Variants in OGN observed in about 807,000 individuals in gnomAD.
OGN encodes the protein osteoglycin, also known as mimecan.
In OGN, 19 loss-of-function variants were observed where a neutral mutation model predicts 30.8. That is an observed-to-expected ratio of 0.62 (90% confidence interval 0.43 to 0.90). The LOEUF (loss-of-function observed/expected upper bound fraction) is 0.90, where lower values mean the gene tolerates loss of function less well. Among genes scored for constraint, OGN ranks in the 40% least tolerant of loss-of-function variants. The probability of loss-of-function intolerance (pLI) is 0.00; values close to 1 mark genes in which losing one functional copy is unlikely to be tolerated. For synonymous variants in OGN, 126 were observed against 128.3 expected (o/e 0.98, Z 0.12); for missense variants, 283 against 349.7 (o/e 0.81, Z 1.52).
intron 3 of OGN, 107 bp from the exon 4 acceptor site, chr9:92,393,351 TG>T (rs1842766044): frequency 4.8e-6 from 4 of 824,860 alleles, no homozygotes; most frequent in Non-Finnish European, 7.3e-6. Flanking sequence ...TTTGAAGAGA[TG>T]TTTTACAGAA....
At chr9:92,392,327 T>TA (rs1213819152) in intron 4 of OGN, among the ~76,000 whole-genome samples, 1 of 152,100 alleles carries the variant, frequency 6.6e-6, no homozygotes. Flanking sequence ...TATCAGTATT[T>TA]AAAAAATACT....
At chr9:92,388,831 CAAAAA>C (rs533649013) in intron 5 of OGN, among the ~76,000 whole-genome samples, 1 of 83,590 alleles carries the variant, frequency 1.2e-5, no homozygotes, top group Non-Finnish European at 2.5e-5. Context: ...GACTCCATCT[CAAAAA>C]AAAAAAAAAA....
At chr9:92,386,387 CTA>C (rs1842422660) in intron 5 of OGN, 91 bp from the exon 6 acceptor site, 1 of 762,154 alleles carries the variant, frequency 1.3e-6, no homozygotes, top group African/African-American at 1.7e-5. Flanking sequence ...GAGTATATGT[CTA>C]TATATACAGA....
At chr9:92,390,988 G>C in intron 4 of OGN, among the ~76,000 whole-genome samples, 1 of 152,172 alleles carries the variant, frequency 6.6e-6, no homozygotes, top group Non-Finnish European at 1.5e-5. Context: ...AATCAGGCCA[G>C]GTGTGGTGGC....
chr9:92,400,396 G>A (rs529806905), intron 3 of OGN, among the ~76,000 whole-genome samples: 8 of 152,108 alleles, frequency 5.3e-5, no homozygotes, highest in African/African-American at 9.7e-5. Flanking sequence ...TGATCCACCC[G>A]CCTCAGCCTC....
chr9:92,401,824 G>A (rs911609161), intron 2 of OGN, among the ~76,000 whole-genome samples: 3 of 152,134 alleles, frequency 2.0e-5, no homozygotes, highest in African/African-American at 7.2e-5. Flanking sequence ...TTCTTGGAGA[G>A]TACGTTTTCT....
chr9:92,403,755 CT>C, intron 1 of OGN: 1 of 634,550 alleles, frequency 1.6e-6, no homozygotes, highest in Non-Finnish European at 2.0e-6. Flanking sequence ...TTGAAATATT[CT>C]TAGGATACCT....
At chr9:92,386,679 T>C (rs1196689119) in intron 5 of OGN, among the ~76,000 whole-genome samples, 1 of 152,188 alleles carries the variant, frequency 6.6e-6, no homozygotes, top group Non-Finnish European at 1.5e-5. Flanking sequence ...TAACCTCTCC[T>C]GTACCTCTGG....
At chr9:92,392,476 G>T (rs182031660) in intron 4 of OGN, among the ~76,000 whole-genome samples, 1 of 152,082 alleles carries the variant, frequency 6.6e-6, no homozygotes, top group Admixed American at 6.6e-5. Context: ...ACAAATATTA[G>T]CCAGGTGTGG....
Position 92,390,932 on chromosome 9 carries a change from T to C in OGN, c.428-876A>G, listed in dbSNP as rs1842651398. Among the ~76,000 whole-genome samples, 4 of 152,294 alleles carry C rather than the reference T, an allele frequency of 2.6e-5. No individual in the cohort carries two copies. In the South Asian group the frequency reaches 8.3e-4, roughly 32 times the overall value. On this transcript the variant is annotated intron_variant, in intron 4 of 6. Transcript: ENST00000375561. ...CACAGCCTTTTTGTGCTTGGGGATG[T>C]TAGACGTCACTTCAGCACCATGTGT...
rs1466627795 is a variant in OGN, at chr9:92,384,001, TTATA to T, written c.*1615_*1618del. 6.6e-6 allele frequency: 1 copy of T among 152,204 alleles called. No individual in the cohort carries two copies. Among genetic ancestry groups the T allele is most frequent in the African/African-American group, 2.4e-5 (1 of 41,458 alleles). The allele number at this position is 152,204 out of a possible 1,614,324, so 9.4% of individuals were successfully genotyped here. A position where few individuals can be genotyped will look rare whatever the true frequency, so the allele number is the denominator to read the frequency against. The stretch of plus-strand genomic sequence containing the variant: ...GATGGATTTTATTTTGCAATATTTA[TTATA>T]TATTCAATTCAAATGTACTCACTAT... On this transcript the variant is annotated 3_prime_UTR_variant, in exon 7 of 7. Transcript: ENST00000375561.
At chr9:92,401,541 C>T (rs980705178) in intron 2 of OGN, among the ~76,000 whole-genome samples, 1 of 152,126 alleles carries the variant, frequency 6.6e-6, no homozygotes, top group African/African-American at 2.4e-5. Flanking sequence ...GAAACTGTTC[C>T]TCAGGGGTCT....
rs1318242723 is a variant in OGN, at chr9:92,404,534, A to G, written c.-114T>C. The G allele has an allele frequency of 1.5e-6, 2 of 1,298,700 alleles. No individual in the cohort carries two copies. The highest frequency in any genetic ancestry group is 2.4e-5 in the Admixed American group (1 of 41,366). The allele number at this position is 1,298,700 out of a possible 1,614,324, so 80.4% of individuals were successfully genotyped here. A position where few individuals can be genotyped will look rare whatever the true frequency, so the allele number is the denominator to read the frequency against. ...TTGAAGTTTTTTGTGGTTTTCCTCA[A>G]TAGATGTTCATGTCTGTGCATTAGC... is the stretch of plus-strand genomic sequence containing the variant. On this transcript the variant is annotated 5_prime_UTR_variant, in exon 1 of 7. Transcript: ENST00000375561.
At chr9:92,400,300 C>T (rs1843058219) in intron 3 of OGN, among the ~76,000 whole-genome samples, 1 of 152,144 alleles carries the variant, frequency 6.6e-6, no homozygotes, top group South Asian at 2.1e-4. Flanking sequence ...CAGGCACCTG[C>T]CACCACGCCT....
intron 2 of OGN, among the ~76,000 whole-genome samples, chr9:92,401,785 T>A (rs900833067): frequency 6.6e-6 from 1 of 152,048 alleles, no homozygotes; most frequent in African/African-American, 2.4e-5. Context: ...GAAATTGGAG[T>A]AGATACAATT....
chr9:92,397,099 C>A (rs923498405), intron 3 of OGN, among the ~76,000 whole-genome samples: 1 of 151,798 alleles, frequency 6.6e-6, no homozygotes, highest in African/African-American at 2.4e-5. Flanking sequence ...ATTGCTGGAG[C>A]CCAGGAGGTC....
Position 92,403,297 on chromosome 9 carries a change from A to G in OGN, c.111T>C (p.Asn37=). ...CTTGGCTAAATATGGATTCTTCAAAATTATCTGTTCCATAATCATAGATAA... is the reference window on the plus strand; with the variant it reads ...CTTGGCTAAATATGGATTCTTCAAAGTTATCTGTTCCATAATCATAGATAA... ...SRIIYDYGTD[N]FEESIFSQDY... Residue 37 remains asparagine (N), a synonymous_variant, in exon 2 of 7, where the codon AAT becomes AAC. Transcript: ENST00000375561. 1 of 1,612,206 alleles carries G rather than the reference A, an allele frequency of 6.2e-7. No individual in the cohort carries two copies. The highest frequency in any genetic ancestry group is 1.1e-5 in the South Asian group (1 of 90,892).
intron 1 of OGN, 103 bp from the exon 2 acceptor site, chr9:92,403,585 G>T (rs993832125): frequency 7.4e-5 from 91 of 1,233,608 alleles, no homozygotes; most frequent in Non-Finnish European, 9.0e-5. Flanking sequence ...TTAACCCTTA[G>T]TGATCTTTAA....
At chr9:92,390,945 C>T (rs1842652196) in intron 4 of OGN, among the ~76,000 whole-genome samples, 2 of 152,142 alleles carry the variant, frequency 1.3e-5, no homozygotes, top group Non-Finnish European at 2.9e-5. Flanking sequence ...GACGTCACTT[C>T]AGCACCATGT....
Sources: gnomAD v4.1 joint callset for allele counts (sites outside exome capture counted in the v4.1 genomes callset) on GRCh38, gnomAD v4.1.1 for gene constraint, MANE v1.5 for transcripts, NCBI Gene and HGNC (gene_info 2026-07-23, HGNC 2026-07-21) for gene names.